The following CPAMD8 variants were observed in gnomAD, a reference collection of about 807,000 sequenced individuals.
CPAMD8 encodes the protein C3 and PZP like alpha-2-macroglobulin domain containing 8.
CPAMD8 carries 146 observed loss-of-function variants against 224.7 expected under a neutral mutation model. That is an observed-to-expected ratio of 0.65 (90% confidence interval 0.57 to 0.75). CPAMD8 has a LOEUF of 0.75. CPAMD8 is among the 30% of genes least tolerant of loss of function. The pLI is 0.00. For missense variants in CPAMD8, 2,301 were observed against 2,537.5 expected, an observed-to-expected ratio of 0.91 and a Z score of 2.00; for synonymous variants, 966 against 1,044.6, an observed-to-expected ratio of 0.92 and a Z score of 1.45.
At chr19:16,948,313 G>A (rs543035945) in intron 20 of CPAMD8, among the ~76,000 whole-genome samples, 9 of 152,262 alleles carry the variant, frequency 5.9e-5, no homozygotes, top group Middle Eastern at 3.4e-3. Flanking sequence ...AGAAGCATGC[G>A]GGGAAAATGT....
chr19:16,990,654 GGAGATC>G (rs1399651454), intron 12 of CPAMD8, among the ~76,000 whole-genome samples: 11 of 151,894 alleles, frequency 7.2e-5, no homozygotes, highest in African/African-American at 2.7e-4. Flanking sequence ...CACGAGGTCA[GGAGATC>G]GAGACCATCC....
chr19:16,951,363 GA>G (rs1231931927), intron 20 of CPAMD8, among the ~76,000 whole-genome samples: 10 of 151,534 alleles, frequency 6.6e-5, no homozygotes, highest in African/African-American at 9.7e-5. Context: ...TGGTTAGGAG[GA>G]AAAAAAATTA....
intron 13 of CPAMD8, among the ~76,000 whole-genome samples, chr19:16,985,574 A>G (rs1346636888): frequency 1.4e-5 from 2 of 147,516 alleles, no homozygotes; most frequent in Middle Eastern, 3.4e-3. Context: ...GAAGGGAAGG[A>G]AGAAAGGAGG....
At chr19:16,952,670 C>G (rs767753005) in intron 19 of CPAMD8, among the ~76,000 whole-genome samples, 1 of 151,846 alleles carries the variant, frequency 6.6e-6, no homozygotes, top group South Asian at 2.1e-4. Context: ...GAGTGAGATC[C>G]CTGTCACACA....
chr19:16,915,783 C>G (rs1304619427), intron 27 of CPAMD8, among the ~76,000 whole-genome samples: 1 of 152,076 alleles, frequency 6.6e-6, no homozygotes, highest in East Asian at 1.9e-4. Flanking sequence ...TTATATGAAC[C>G]ACAAAAATGG....
chr19:16,967,941 A>ATATACACACACACGTGTGGATATATGTG (rs2054916456), intron 18 of CPAMD8, among the ~76,000 whole-genome samples: 1 of 7,790 alleles, frequency 1.3e-4, no homozygotes, highest in African/African-American at 3.3e-4. Flanking sequence ...GTATATATAT[A>ATATACACACACACGTGTGGATATATGTG]CATGTTGCTC....
chr19:17,000,824 G>A (rs767522641), intron 9 of CPAMD8, among the ~76,000 whole-genome samples: 3 of 152,224 alleles, frequency 2.0e-5, no homozygotes, highest in Non-Finnish European at 4.4e-5. Context: ...GAGTAGTGCA[G>A]AGGCATGAGC....
intron 19 of CPAMD8, among the ~76,000 whole-genome samples, chr19:16,957,043 T>A (rs2054494887): frequency 6.6e-6 from 1 of 152,198 alleles, no homozygotes; most frequent in Non-Finnish European, 1.5e-5. Context: ...TACATTTGAA[T>A]GATGATGGAC....
At chr19:16,987,179 A>AAAAAATATATAT (rs1555784836) in intron 13 of CPAMD8, among the ~76,000 whole-genome samples, 6 of 53,922 alleles carry the variant, frequency 1.1e-4, no homozygotes, top group African/African-American at 2.1e-4. Context: ...AAAAAAAAAA[A>AAAAAATATATAT]ATATATATAT....
Position 16,902,446 on chromosome 19 carries a change from G to A in CPAMD8, c.4685+203C>T, listed in dbSNP as rs560706359. On this transcript the variant is annotated intron_variant, in intron 35 of 41. Coordinates refer to ENST00000443236, the MANE Select transcript of CPAMD8 (RefSeq NM_015692.5). ...ACAGGAGAACCATTTGAACCCAGGA[G>A]GCAGAGGTTGCAGTGAGCCGAGATC... 8.5e-5 allele frequency among the ~76,000 whole-genome samples: 13 copies of A among 152,232 alleles called. No individual in the cohort carries two copies. The South Asian group carries it at 1.9e-3, about 22-fold the overall frequency.
At chr19:16,946,280 G>A (rs532956382) in intron 21 of CPAMD8, among the ~76,000 whole-genome samples, 2 of 151,310 alleles carry the variant, frequency 1.3e-5, no homozygotes, top group African/African-American at 2.4e-5. Flanking sequence ...GTGTGGATTC[G>A]TGTGTGTGAT....
chr19:16,932,357 G>C (rs1335249804), intron 23 of CPAMD8, among the ~76,000 whole-genome samples: 1 of 152,168 alleles, frequency 6.6e-6, no homozygotes, highest in African/African-American at 2.4e-5. Context: ...AGAGGTCAAG[G>C]CTGCAGTGAG....
intron 18 of CPAMD8, among the ~76,000 whole-genome samples, chr19:16,958,362 A>C (rs2054540894): frequency 6.6e-6 from 1 of 152,200 alleles, no homozygotes; most frequent in East Asian, 1.9e-4. Flanking sequence ...ATAAGTGAGA[A>C]CATGCAGTAT....
At chr19:16,957,717 T>C (rs766455182) in intron 19 of CPAMD8, 136 bp downstream of exon 19, 1 of 785,566 alleles carries the variant, frequency 1.3e-6, no homozygotes, top group South Asian at 1.7e-5. Flanking sequence ...AAGTTTTGTG[T>C]GTTAGAAAAA....
chr19:16,996,822 A>T (rs2122976125), intron 11 of CPAMD8, among the ~76,000 whole-genome samples: 1 of 151,362 alleles, frequency 6.6e-6, no homozygotes, highest in South Asian at 2.1e-4. Flanking sequence ...ATCTCTAAAA[A>T]AAAAAAAAAA....
At chr19:16,966,939 C>T (rs186348577) in intron 18 of CPAMD8, among the ~76,000 whole-genome samples, 274 of 152,234 alleles carry the variant, frequency 1.8e-3, no homozygotes, top group Non-Finnish European at 2.4e-3. Flanking sequence ...GGCGATTCCT[C>T]AAGGATCTAG....
In CPAMD8 at chr19:16,947,201, C is replaced by T. The variant is rs780347990; in HGVS notation, c.2535G>A (p.Lys845=). ...AEVYMKLSVP[K]GIQFVGHPGK... ...CAGGATGCCCAACAAACTGGATGCC[C>T]TTGGGAACCGAGAGCTTCATGTACA... The change falls in exon 21 of 42, where the codon AAG becomes AAA. Residue 845 remains lysine, a synonymous_variant. Transcript: ENST00000443236. 6.2e-7 allele frequency: 1 copy of T among 1,613,476 alleles called. No individual in the cohort carries two copies. Among genetic ancestry groups the T allele is most frequent in the East Asian group, 2.2e-5 (1 of 44,852 alleles).
At chr19:16,946,173 T>TG (rs201440687) in intron 21 of CPAMD8, among the ~76,000 whole-genome samples, 57,285 of 150,388 alleles carry the variant, frequency 0.38, 12,149 homozygotes, top group African/African-American at 0.59. Flanking sequence ...TGTGTGTGTA[T>TG]GATTTGTGTG....
In CPAMD8 at chr19:17,026,709, T is replaced by C. The variant is rs2057094472; in HGVS notation, c.-67A>G. 2.4e-6 allele frequency: 3 copies of C among 1,245,568 alleles called. No individual in the cohort carries two copies. Among genetic ancestry groups the C allele is most frequent in the Middle Eastern group, 3.1e-4 (1 of 3,238 alleles). 77.2% of individuals were successfully genotyped at this position (1,245,568 alleles called of 1,614,324 possible). A position where few individuals can be genotyped will look rare whatever the true frequency, so the allele number is the denominator to read the frequency against. ...GGCCAGGGCTGGGCCAGGGCCAGGGTCCGAGCGCGGCCGTCCTCGCGCCGC... is the reference window on the plus strand; with the variant it reads ...GGCCAGGGCTGGGCCAGGGCCAGGGCCCGAGCGCGGCCGTCCTCGCGCCGC... On this transcript the variant is annotated 5_prime_UTR_variant, in exon 1 of 42. Coordinates refer to ENST00000443236, the MANE Select transcript of CPAMD8 (RefSeq NM_015692.5).
Sources: allele counts gnomAD v4.1 joint callset (sites outside exome capture counted in the v4.1 genomes callset), GRCh38; gene constraint gnomAD v4.1.1; transcripts MANE v1.5; gene names NCBI Gene and HGNC (gene_info 2026-07-23, HGNC 2026-07-21).